Variants in MORC1 observed in about 807,000 individuals in gnomAD.
MORC1 encodes the protein MORC family CW-type zinc finger protein 1.
A neutral mutation model predicts 134.9 loss-of-function variants in MORC1; 59 were observed. The ratio of observed to expected loss-of-function variants is 0.44; its 90% CI spans 0.35 to 0.54. The LOEUF is 0.54. Ranked by LOEUF, MORC1 falls within the 20% of genes least tolerant of loss-of-function variation. MORC1 has a pLI of 0.00. For synonymous variants in MORC1, 395 were observed against 391.7 expected, an observed-to-expected ratio of 1.01 and a Z score of -0.10; for missense variants, 947 against 1,134.5, an observed-to-expected ratio of 0.83 and a Z score of 2.37.
chr3:109,090,487 G>A (rs1267716146), intron 8 of MORC1, among the ~76,000 whole-genome samples: 1 of 151,676 alleles, frequency 6.6e-6, no homozygotes, highest in Non-Finnish European at 1.5e-5. Context: ...TGGAGTAGTG[G>A]CACATGCTTG....
At chr3:109,058,131 G>A (rs1260872186) in intron 12 of MORC1, among the ~76,000 whole-genome samples, 1 of 152,114 alleles carries the variant, frequency 6.6e-6, no homozygotes, top group Non-Finnish European at 1.5e-5. Flanking sequence ...AAGGAGTTAT[G>A]ATATAAACAC....
chr3:109,072,221 G>A (rs1950334544), intron 8 of MORC1, among the ~76,000 whole-genome samples: 2 of 152,104 alleles, frequency 1.3e-5, no homozygotes, highest in African/African-American at 4.8e-5. Context: ...CTTGTCTTCA[G>A]CCTGGCCATT....
In MORC1 at chr3:108,983,156, T is replaced by C. The variant is rs533080940; in HGVS notation, c.2324+1560A>G. 2.0e-5 allele frequency among the ~76,000 whole-genome samples: 3 copies of C among 152,294 alleles called. No homozygotes were observed. In the South Asian group the frequency reaches 6.2e-4, roughly 32 times the overall value. On this transcript the variant is annotated intron_variant, in intron 23 of 27. Coordinates refer to ENST00000232603, the MANE Select transcript of MORC1 (RefSeq NM_014429.4). ...TCTTAAATTGTAAAGCAAATTTTCA[T>C]AAATAATTCTAAGTCAAAGTATTGG...
At chr3:109,016,485 A>G (rs1035470127) in intron 17 of MORC1, among the ~76,000 whole-genome samples, 2 of 152,144 alleles carry the variant, frequency 1.3e-5, no homozygotes, top group Non-Finnish European at 2.9e-5. Context: ...AGAGGAAAAA[A>G]TGTCCCTCTT....
At chr3:109,073,600 C>A (rs1352667918) in intron 8 of MORC1, among the ~76,000 whole-genome samples, 1 of 152,186 alleles carries the variant, frequency 6.6e-6, no homozygotes, top group Admixed American at 6.5e-5. Flanking sequence ...AACAACTGGG[C>A]TACTTTTCCT....
rs140929586 is a variant in MORC1, at chr3:109,046,992, T to C, written c.1330+7736A>G. ...CATAAGCAAGTGTTTAAAACATGAT[T>C]TTCAAAGACATTCCTTACCATTGTG... On this transcript the variant is annotated intron_variant, in intron 14 of 27. Coordinates refer to ENST00000232603, the MANE Select transcript of MORC1 (RefSeq NM_014429.4). 4.7e-4 allele frequency among the ~76,000 whole-genome samples: 71 copies of C among 152,282 alleles called. 3 individuals are homozygous for C. The East Asian group carries it at 0.011, about 24-fold the overall frequency.
chr3:109,044,312 A>T (rs1342886323), intron 14 of MORC1, among the ~76,000 whole-genome samples: 1 of 152,130 alleles, frequency 6.6e-6, no homozygotes, highest in Non-Finnish European at 1.5e-5. Context: ...TAATCCCAGC[A>T]CTTTGGGAGG....
intron 8 of MORC1, among the ~76,000 whole-genome samples, chr3:109,091,591 A>T (rs1212657909): frequency 1.3e-5 from 2 of 152,144 alleles, no homozygotes; most frequent in Non-Finnish European, 2.9e-5. Context: ...AAAAAACTAC[A>T]GAGGCACTGC....
intron 17 of MORC1, among the ~76,000 whole-genome samples, chr3:109,027,539 T>G (rs1224158518): frequency 6.6e-6 from 1 of 151,040 alleles, no homozygotes; most frequent in Non-Finnish European, 1.5e-5. Context: ...GTCGTATAGA[T>G]GGGCTTAGAT....
intron 17 of MORC1, 105 bp from the exon 18 acceptor site, chr3:109,007,196 T>C (rs977970412): frequency 1.3e-6 from 1 of 781,398 alleles, no homozygotes; most frequent in East Asian, 2.6e-5. Flanking sequence ...AGGGTCAAGA[T>C]AGCAAACCCT....
At position 109,035,402 on chromosome 3, in the gene MORC1, G is replaced by C; in HGVS notation, c.1397C>G (p.Pro466Arg). ...TCTTTGATATTGAAAAGAATTTAAA[G>C]GTTTCTCCACATCGATGTCATTCTG... The part of the protein sequence containing the change: ...GYQNDIDVEK[P>R]LNSFQYQRRQ... Residue 466 changes from proline to arginine, a missense_variant, in exon 15 of 28, where the codon CCT (proline) becomes CGT (arginine). By Grantham distance (103) the Pro-to-Arg change is moderately radical. Transcript: ENST00000232603. 6.4e-7 allele frequency: 1 copy of C among 1,564,214 alleles called. No individual in the cohort carries two copies. Among genetic ancestry groups the C allele is most frequent in the Non-Finnish European group, 8.7e-7 (1 of 1,145,334 alleles).
chr3:108,994,817 C>T (rs1488612328), intron 21 of MORC1, among the ~76,000 whole-genome samples: 4 of 152,070 alleles, frequency 2.6e-5, no homozygotes, highest in Non-Finnish European at 5.9e-5. Flanking sequence ...TCAAATTGAT[C>T]ATTTGCTTTC....
At chr3:109,060,794 G>C (rs919106058) in intron 11 of MORC1, among the ~76,000 whole-genome samples, 7 of 152,070 alleles carry the variant, frequency 4.6e-5, no homozygotes, top group Admixed American at 1.3e-4. Flanking sequence ...AGTGCCCCCA[G>C]AGCACAGAAC....
chr3:109,015,076 C>T (rs1174567842), intron 17 of MORC1, among the ~76,000 whole-genome samples: 5 of 152,026 alleles, frequency 3.3e-5, no homozygotes, highest in African/African-American at 4.8e-5. Flanking sequence ...TTAGTAGAGA[C>T]GGGGTTTCAC....
intron 3 of MORC1, chr3:109,109,878 C>G (rs2107800328): frequency 6.6e-6 from 1 of 152,392 alleles, no homozygotes; most frequent in East Asian, 1.9e-4. Flanking sequence ...GGGGTCTGAC[C>G]TGCAAGTCCA....
intron 14 of MORC1, among the ~76,000 whole-genome samples, chr3:109,043,093 C>G (rs74381916): frequency 0.013 from 1,877 of 147,758 alleles, 36 homozygotes; most frequent in African/African-American, 0.043. Context: ...TGTGTATACC[C>G]ATCTTCATAG....
chr3:109,022,904 A>T (rs549155424), intron 17 of MORC1, among the ~76,000 whole-genome samples: 1 of 152,342 alleles, frequency 6.6e-6, no homozygotes, highest in African/African-American at 2.4e-5. Context: ...GACAGATGAG[A>T]CACATAAGTA....
intron 9 of MORC1, among the ~76,000 whole-genome samples, chr3:109,067,019 G>C (rs1950213384): frequency 6.6e-6 from 1 of 152,136 alleles, no homozygotes; most frequent in South Asian, 2.1e-4. Context: ...CTGATAGGTG[G>C]GTGGGGTGTT....
At chr3:108,975,033 T>C (rs1380014635) in intron 24 of MORC1, among the ~76,000 whole-genome samples, 1 of 152,216 alleles carries the variant, frequency 6.6e-6, no homozygotes, top group Non-Finnish European at 1.5e-5. Context: ...TCATATTCCT[T>C]TCTCAACAAA....
Sources: allele counts gnomAD v4.1 joint callset (sites outside exome capture counted in the v4.1 genomes callset), GRCh38; gene constraint gnomAD v4.1.1; transcripts MANE v1.5; gene names NCBI Gene and HGNC (gene_info 2026-07-23, HGNC 2026-07-21).